KAT7: variants seen among roughly 807,000 people sequenced by gnomAD.
The protein encoded by KAT7 is histone acetyltransferase KAT7.
KAT7 carries 10 observed loss-of-function variants against 82.1 expected under a neutral mutation model. That is an observed-to-expected ratio of 0.12 (90% CI 0.08 to 0.21). The LOEUF (loss-of-function observed/expected upper bound fraction) is 0.21. KAT7 is among the 10% of genes least tolerant of loss of function. The pLI, the probability that KAT7 is intolerant of heterozygous loss-of-function variation, is 1.00. For synonymous variants in KAT7, 250 were observed against 262.5 expected (o/e 0.95, Z 0.46); for missense variants, 378 against 760.9 (o/e 0.50, Z 5.92).
chr17:49,827,484 C>G lies in KAT7; in HGVS notation c.1818C>G (p.Thr606=). The G allele has an allele frequency of 6.2e-7, 1 of 1,611,374 alleles. No homozygotes were observed. The highest frequency in any genetic ancestry group is 8.5e-7 in the Non-Finnish European group (1 of 1,177,610). The change falls in exon 15 of 15, where the codon ACC becomes ACG. Residue 606 remains threonine, a synonymous_variant. Coordinates refer to ENST00000259021, the MANE Select transcript of KAT7 (RefSeq NM_007067.5). The stretch of plus-strand genomic sequence containing the variant: ...TGGATCCCAGCTGCTTAAAATGGAC[C>G]CCTCCCAAGGGCACTTAAAGTGACC... ...KTMDPSCLKW[T]PPKGT
At chr17:49,819,337 T>C (rs1230230052) in intron 9 of KAT7, among the ~76,000 whole-genome samples, 4 of 152,058 alleles carry the variant, frequency 2.6e-5, no homozygotes, top group African/African-American at 4.8e-5. Context: ...GGGGAGGTGA[T>C]TGGCGGCGAT....
rs781346676 is a variant in KAT7 at position 49,798,277 on chromosome 17, ATGAAC to A, written c.341-40_341-36del. The A allele has an allele frequency of 3.1e-6, 5 of 1,590,970 alleles. No homozygotes were observed. In the African/African-American group the frequency reaches 6.7e-5, roughly 21 times the overall value. On this transcript the variant is annotated intron_variant, in intron 3 of 14. Coordinates refer to ENST00000259021, the MANE Select transcript of KAT7 (RefSeq NM_007067.5). ...CTCTGAATAGTAAACTTCTAAATAAATGAACTCCACTCATAACTTCTACCAATTGC... is the reference window on the plus strand; with the variant it reads ...CTCTGAATAGTAAACTTCTAAATAAATCCACTCATAACTTCTACCAATTGC...
At chr17:49,810,647 T>C (rs1598071945) in intron 6 of KAT7, among the ~76,000 whole-genome samples, 1 of 152,324 alleles carries the variant, frequency 6.6e-6, no homozygotes, top group Non-Finnish European at 1.5e-5. Flanking sequence ...TAAGCATTAA[T>C]TGGAAAACAG....
intron 5 of KAT7, among the ~76,000 whole-genome samples, chr17:49,806,796 G>A (rs2074097078): frequency 6.6e-6 from 1 of 152,176 alleles, no homozygotes; most frequent in South Asian, 2.1e-4. Context: ...CTGACCAAAG[G>A]AAAACATTTC....
rs753436117 is a variant in KAT7, at chr17:49,821,700, G to A, written c.1296G>A (p.Lys432=). The change falls in exon 11 of 15, where the codon AAG becomes AAA. Residue 432 remains lysine, a synonymous_variant. Transcript: ENST00000259021. ...CLLAKLFLDH[K]TLYYDVEPFL... ...TGGCCAAACTTTTTCTGGACCACAAGACATTATATTATGATGTGGAGCCCT... is the reference window on the plus strand; with the variant it reads ...TGGCCAAACTTTTTCTGGACCACAAAACATTATATTATGATGTGGAGCCCT... 1.1e-5 allele frequency: 17 copies of A among 1,613,738 alleles called. No homozygotes were observed. The highest frequency in any genetic ancestry group is 1.4e-5 in the Non-Finnish European group (17 of 1,179,766).
chr17:49,813,571 AACC>A (rs2074197009), intron 7 of KAT7, among the ~76,000 whole-genome samples: 1 of 152,196 alleles, frequency 6.6e-6, no homozygotes, highest in Non-Finnish European at 1.5e-5. Flanking sequence ...GGATTCAACC[AACC>A]ACGGATCGGA....
chr17:49,800,212 C>T (rs958004455), intron 4 of KAT7, among the ~76,000 whole-genome samples: 1 of 151,958 alleles, frequency 6.6e-6, no homozygotes, highest in Non-Finnish European at 1.5e-5. Context: ...GGGGATTCAC[C>T]GTGTTAGCCA....
At chr17:49,805,542 G>A in intron 5 of KAT7, 97 bp downstream of exon 5, 1 of 746,384 alleles carries the variant, frequency 1.3e-6, no homozygotes, top group Non-Finnish European at 2.3e-6. Context: ...CCAACAAGAT[G>A]GGTAGGGTCC....
Position 49,788,734 on chromosome 17 carries a change from T to G in KAT7, c.-101T>G. ...GAGGCACTAGGGATCGTCCGCAGGA[T>G]TGGGACTGATACAGAGGCCGCCACG... On this transcript the variant is annotated 5_prime_UTR_variant, in exon 1 of 15. Transcript: ENST00000259021. 2.3e-6 allele frequency: 3 copies of G among 1,320,324 alleles called. No homozygotes were observed. Among genetic ancestry groups the G allele is most frequent in the Non-Finnish European group, 3.1e-6 (3 of 957,466 alleles). The allele number at this position is 1,320,324 out of a possible 1,614,324, so 81.8% of individuals were successfully genotyped here.
At chr17:49,799,665 T>C (rs575876428) in intron 4 of KAT7, among the ~76,000 whole-genome samples, 1 of 151,904 alleles carries the variant, frequency 6.6e-6, no homozygotes, top group Admixed American at 6.6e-5. Context: ...ATGAGCCTTT[T>C]GTTTGTTTTT....
At chr17:49,820,807 A>G (rs1289572323) in intron 9 of KAT7, among the ~76,000 whole-genome samples, 1 of 125,280 alleles carries the variant, frequency 8.0e-6, no homozygotes, top group Non-Finnish European at 1.6e-5. Context: ...ATTTCCTTAT[A>G]TAACAAAGGG....
chr17:49,812,264 G>C (rs1356088227), intron 7 of KAT7, among the ~76,000 whole-genome samples: 2 of 133,570 alleles, frequency 1.5e-5, no homozygotes. Flanking sequence ...TGAGACAGTC[G>C]GCCAGGCTGG....
chr17:49,816,896 C>T (rs886470712), intron 8 of KAT7, among the ~76,000 whole-genome samples: 4 of 151,988 alleles, frequency 2.6e-5, no homozygotes, highest in African/African-American at 9.7e-5. Flanking sequence ...ACTGCAGCCT[C>T]GACCTTCAGT....
chr17:49,812,065 G>T (rs1242227551), intron 7 of KAT7, among the ~76,000 whole-genome samples: 1 of 151,992 alleles, frequency 6.6e-6, no homozygotes, highest in African/African-American at 2.4e-5. Flanking sequence ...ATTTGTAAGA[G>T]AATTTAGAGT....
chr17:49,792,095 A>G (rs1007271338), intron 2 of KAT7, 62 bp downstream of exon 2: 1 of 1,536,136 alleles, frequency 6.5e-7, no homozygotes, highest in Admixed American at 1.7e-5. Flanking sequence ...CCATCACATT[A>G]TTTTCCTAGT....
rs536743421 is a variant in KAT7 at position 49,788,720 on chromosome 17, G to T, written c.-115G>T. On this transcript the variant is annotated 5_prime_UTR_variant, in exon 1 of 15. Coordinates refer to ENST00000259021, the MANE Select transcript of KAT7 (RefSeq NM_007067.5). ...ACGCTGAGAGGCAGGAGGCACTAGG[G>T]ATCGTCCGCAGGATTGGGACTGATA... The T allele has an allele frequency of 2.6e-6, 3 of 1,167,998 alleles. No homozygotes were observed. The highest frequency in any genetic ancestry group is 1.6e-5 in the African/African-American group (1 of 62,560). 72.4% of individuals were successfully genotyped at this position (1,167,998 alleles called of 1,614,324 possible). A position where few individuals can be genotyped will look rare whatever the true frequency, so the allele number is the denominator to read the frequency against.
chr17:49,820,381 G>A (rs184245115), intron 9 of KAT7, among the ~76,000 whole-genome samples: 8 of 151,526 alleles, frequency 5.3e-5, no homozygotes, highest in East Asian at 1.9e-4. Flanking sequence ...TCCACCTCCC[G>A]GATTCTTCTG....
chr17:49,816,010 T>C, intron 8 of KAT7, 97 bp downstream of exon 8: 1 of 693,882 alleles, frequency 1.4e-6, no homozygotes, highest in Non-Finnish European at 2.5e-6. Flanking sequence ...GAATTAAATG[T>C]ACCTTGCTTC....
At chr17:49,813,543 C>A (rs1188248167) in intron 7 of KAT7, among the ~76,000 whole-genome samples, 1 of 152,116 alleles carries the variant, frequency 6.6e-6, no homozygotes, top group Non-Finnish European at 1.5e-5. Flanking sequence ...CCTTCGTATC[C>A]ATGGATTTTG....
Sources: allele counts gnomAD v4.1 joint callset (sites outside exome capture counted in the v4.1 genomes callset), GRCh38; gene constraint gnomAD v4.1.1; transcripts MANE v1.5; gene names NCBI Gene and HGNC (gene_info 2026-07-23, HGNC 2026-07-21).